The following NCAN variants were observed in gnomAD, a reference collection of about 807,000 sequenced individuals.
NCAN encodes the protein neurocan, also known as neurocan core protein.
In NCAN, 47 loss-of-function variants were observed where a neutral mutation model predicts 121.8. That is an observed-to-expected ratio of 0.39 (90% confidence interval 0.31 to 0.49). The LOEUF is 0.49. Among genes scored for constraint, NCAN ranks in the 20% least tolerant of loss-of-function variants. The pLI, the probability that NCAN is intolerant of heterozygous loss-of-function variation, is 0.92. For missense variants in NCAN, 1,517 were observed against 1,773.4 expected (o/e 0.86, Z 2.60); for synonymous variants, 633 against 702.0 (o/e 0.90, Z 1.55).
intron 2 of NCAN, among the ~76,000 whole-genome samples, chr19:19,217,640 C>T (rs954489356): frequency 6.6e-6 from 1 of 152,208 alleles, no homozygotes; most frequent in Non-Finnish European, 1.5e-5. Flanking sequence ...ATGCCTCTCC[C>T]AGGGCCATAC....
chr19:19,218,496 G>C (rs1350668929), intron 2 of NCAN, among the ~76,000 whole-genome samples: 2 of 151,566 alleles, frequency 1.3e-5, no homozygotes. Flanking sequence ...TTTTGAGATG[G>C]AGTTTCGCTC....
Position 19,248,247 on chromosome 19 carries a change from C to A in NCAN, c.3638-453C>A, listed in dbSNP as rs559270184. Among the ~76,000 whole-genome samples the A allele has an allele frequency of 7.8e-4, 119 of 152,202 alleles. No individual in the cohort carries two copies. In the East Asian group the frequency reaches 0.013, roughly 16 times the overall value. ...CTCATCTGAGGTCAGGAGTTCAAGA[C>A]CCGCCTGGCCAATATGACGAAACCC... On this transcript the variant is annotated intron_variant, in intron 13 of 14. Coordinates refer to ENST00000252575, the MANE Select transcript of NCAN (RefSeq NM_004386.3).
At position 19,227,089 on chromosome 19, in the gene NCAN, G is replaced by T; in HGVS notation, c.1660+16G>T. ...CCTGGAGCTGGTGAGTTGCTCTGGG[G>T]GAGGCGGGACCTACCTGGGGATCTG... On this transcript the variant is annotated intron_variant, in intron 7 of 14. Transcript: ENST00000252575. This position sits in a 1 kb window ranked among gnomAD's most constrained non-coding sequence, Gnocchi z 4.2. 1 of 1,505,910 alleles carries T rather than the reference G, an allele frequency of 6.6e-7. No individual in the cohort carries two copies. The highest frequency in any genetic ancestry group is 8.9e-7 in the Non-Finnish European group (1 of 1,129,386). The allele number at this position is 1,505,910 out of a possible 1,614,324, so 93.3% of individuals were successfully genotyped here.
In NCAN at chr19:19,213,746, C is replaced by T. The variant is rs572093495; in HGVS notation, c.-8+1682C>T. ...GCACCCTTGGCACGGGGGTGTGGGA[C>T]GTGGTCTGTGTTCAGAGTTGGGGCG... On this transcript the variant is annotated intron_variant, in intron 1 of 14. Transcript: ENST00000252575. Among the ~76,000 whole-genome samples, 222 of 152,106 alleles carry T rather than the reference C, an allele frequency of 1.5e-3. 3 individuals are homozygous for T. Among genetic ancestry groups the T allele is most frequent in the Non-Finnish European group, 5.7e-4 (39 of 67,982 alleles).
chr19:19,236,241 C>A (rs541105447), intron 10 of NCAN, among the ~76,000 whole-genome samples: 1 of 152,160 alleles, frequency 6.6e-6, no homozygotes, highest in East Asian at 1.9e-4. Context: ...TTTGCCTGTT[C>A]TAGACATTTC....
At position 19,218,952 on chromosome 19, in the gene NCAN, C is replaced by G; in HGVS notation, c.111C>G (p.Leu37=). 2.0e-6 allele frequency: 3 copies of G among 1,530,068 alleles called. No individual in the cohort carries two copies. The highest frequency in any genetic ancestry group is 2.6e-6 in the Non-Finnish European group (3 of 1,137,738). The allele number at this position is 1,530,068 out of a possible 1,614,324, so 94.8% of individuals were successfully genotyped here. A position where few individuals can be genotyped will look rare whatever the true frequency, so the allele number is the denominator to read the frequency against. Residue 37 remains leucine (L), a synonymous_variant, in exon 3 of 15, where the codon CTC becomes CTG. Coordinates refer to ENST00000252575, the MANE Select transcript of NCAN (RefSeq NM_004386.3). ...QDITDASERG[L]HMQKLGSGSV... ...TCACCGATGCCAGCGAAAGGGGGCT[C>G]CACATGCAGAAGCTGGGGTCTGGGT...
chr19:19,224,721 C>T (rs1451192536), intron 5 of NCAN, among the ~76,000 whole-genome samples: 2 of 151,896 alleles, frequency 1.3e-5, no homozygotes, highest in African/African-American at 4.8e-5. Flanking sequence ...GCCCCCTTCA[C>T]CGAGCCCCTC....
rs1352309994 is a variant in NCAN, at chr19:19,240,525, C to G, written c.3410-78C>G. ...GAATTCTTTCCTCCCACACCCTACCCCACCTCACCTGCAGCCTGTGCCCTG... is the reference window on the plus strand; with the variant it reads ...GAATTCTTTCCTCCCACACCCTACCGCACCTCACCTGCAGCCTGTGCCCTG... On this transcript the variant is annotated intron_variant, in intron 11 of 14. Coordinates refer to ENST00000252575, the MANE Select transcript of NCAN (RefSeq NM_004386.3). 7 of 1,420,058 alleles carry G rather than the reference C, an allele frequency of 4.9e-6. No individual in the cohort carries two copies. In the East Asian group the frequency reaches 1.6e-4, roughly 32 times the overall value. 88.0% of individuals were successfully genotyped at this position (1,420,058 alleles called of 1,614,324 possible).
chr19:19,242,613 T>C (rs961080467), intron 12 of NCAN, among the ~76,000 whole-genome samples: 5 of 150,692 alleles, frequency 3.3e-5, no homozygotes, highest in African/African-American at 4.9e-5. Context: ...CGCTTGAACC[T>C]GGAAGGCGTA....
intron 1 of NCAN, among the ~76,000 whole-genome samples, chr19:19,214,777 A>G (rs902484383): frequency 6.6e-6 from 1 of 151,100 alleles, no homozygotes; most frequent in African/African-American, 2.4e-5. Context: ...AGAGAGAGAG[A>G]AAGAGAATTC....
rs2060780348 is a variant in NCAN, at chr19:19,212,851, G to T, written c.-8+787G>T. On this transcript the variant is annotated intron_variant, in intron 1 of 14. Coordinates refer to ENST00000252575, the MANE Select transcript of NCAN (RefSeq NM_004386.3). This position sits in a 1 kb window ranked among gnomAD's most constrained non-coding sequence, Gnocchi z 4.5. ...GTGAGGGATACCAGCTCAGAGGGGG[G>T]GCTGTCCCCCAGCACCTTCACAGCC... Among the ~76,000 whole-genome samples, 2 of 152,262 alleles carry T rather than the reference G, an allele frequency of 1.3e-5. No homozygotes were observed. The highest frequency in any genetic ancestry group is 4.1e-4 in the South Asian group (2 of 4,826).
intron 11 of NCAN, among the ~76,000 whole-genome samples, chr19:19,240,151 C>T (rs2146554222): frequency 6.8e-6 from 1 of 146,640 alleles, no homozygotes; most frequent in East Asian, 2.1e-4. Flanking sequence ...TCCTCCCTTT[C>T]ACTCCTCCTC....
At position 19,238,395 on chromosome 19, in the gene NCAN, A is replaced by C; in HGVS notation, c.3393A>C (p.Glu1131Asp). ...GHLTSVHSPE[E>D]HSFINSFGHE... ...TGACCAGCGTCCACTCACCGGAGGA[A>C]CACAGCTTCATTAATAGTAGGGGCT... The change falls in exon 11 of 15, where the codon GAA becomes GAC. Residue 1131 changes from glutamate (E) to aspartate (D), a missense_variant. By Grantham distance (45) the Glu-to-Asp change is conservative. Transcript: ENST00000252575. 6.2e-7 allele frequency: 1 copy of C among 1,614,160 alleles called. No individual in the cohort carries two copies. Among genetic ancestry groups the C allele is most frequent in the South Asian group, 1.1e-5 (1 of 91,082 alleles).
At chr19:19,213,320 T>C (rs907172619) in intron 1 of NCAN, among the ~76,000 whole-genome samples, 1 of 152,022 alleles carries the variant, frequency 6.6e-6, no homozygotes, top group African/African-American at 2.4e-5. Flanking sequence ...GTGAGTCTGA[T>C]GTGACTGTGG....
At chr19:19,223,917 T>G in intron 3 of NCAN, 104 bp from the exon 4 acceptor site, 1 of 1,209,834 alleles carries the variant, frequency 8.3e-7, no homozygotes, top group Non-Finnish European at 1.1e-6. Context: ...GCTAGGTCTA[T>G]TATTATCAGA....
intron 1 of NCAN, among the ~76,000 whole-genome samples, chr19:19,216,734 G>A (rs760272107): frequency 2.0e-5 from 3 of 152,234 alleles, no homozygotes; most frequent in South Asian, 2.1e-4. Context: ...GAGCCACCGC[G>A]TCCAGCCACT....
At chr19:19,213,517 GGC>G (rs1408754133) in intron 1 of NCAN, among the ~76,000 whole-genome samples, 2,854 of 140,724 alleles carry the variant, frequency 0.02, 54 homozygotes, top group South Asian at 0.082. Flanking sequence ...GGGGGGGGGG[GGC>G]CCGAGACTGT....
intron 13 of NCAN, among the ~76,000 whole-genome samples, chr19:19,246,658 C>G (rs570314383): frequency 6.6e-6 from 1 of 151,802 alleles, no homozygotes; most frequent in East Asian, 1.9e-4. Context: ...CTCAGCCTCC[C>G]GAGTAGCTGG....
intron 5 of NCAN, 108 bp downstream of exon 5, chr19:19,224,541 C>A: frequency 7.2e-7 from 1 of 1,381,764 alleles, no homozygotes; most frequent in Admixed American, 2.3e-5. Context: ...CTGTCTTATA[C>A]CTCCCTAAAC....
Sources: allele counts gnomAD v4.1 joint callset (sites outside exome capture counted in the v4.1 genomes callset), GRCh38; gene constraint gnomAD v4.1.1; non-coding constraint Gnocchi (gnomAD v3.1); transcripts MANE v1.5; gene names NCBI Gene and HGNC (gene_info 2026-07-23, HGNC 2026-07-21).